The following CDH13 variants were observed in gnomAD, a reference collection of about 807,000 sequenced individuals.
CDH13 encodes cadherin 13.
CDH13 carries 24 observed loss-of-function variants against 63.8 expected under a neutral mutation model. That is an observed-to-expected ratio of 0.38 (90% CI 0.27 to 0.53). CDH13 has a LOEUF of 0.53. Among genes scored for constraint, CDH13 ranks in the 20% least tolerant of loss-of-function variants. The pLI is 0.85. For synonymous variants in CDH13, 503 were observed against 355.3 expected, an observed-to-expected ratio of 1.42 and a Z score of -4.67; for missense variants, 1,049 against 903.1, an observed-to-expected ratio of 1.16 and a Z score of -2.07.
At chr16:83,102,563 G>C (rs1052648196) in intron 3 of CDH13, among the ~76,000 whole-genome samples, 14 of 152,156 alleles carry the variant, frequency 9.2e-5, no homozygotes, top group African/African-American at 2.9e-4. Flanking sequence ...CTTCACTCCA[G>C]GTGCTAGGAG....
intron 1 of CDH13, among the ~76,000 whole-genome samples, chr16:82,846,785 A>C (rs1402321004): frequency 2.6e-5 from 4 of 152,226 alleles, no homozygotes; most frequent in African/African-American, 9.6e-5. Context: ...AGAAATGTTA[A>C]ATTTTCACTA....
chr16:83,064,144 G>C (rs537502943), intron 3 of CDH13, among the ~76,000 whole-genome samples: 68 of 152,160 alleles, frequency 4.5e-4, no homozygotes, highest in Non-Finnish European at 8.1e-4. Flanking sequence ...GCCGAGGTGG[G>C]CAGACCATGA....
chr16:82,858,310 A>G (rs2039785876), intron 1 of CDH13, 52 bp from the exon 2 acceptor site: 2 of 1,222,734 alleles, frequency 1.6e-6, no homozygotes, highest in Non-Finnish European at 2.4e-6. Flanking sequence ...GAAAGTTAGC[A>G]GGGCAAACAC....
intron 2 of CDH13, among the ~76,000 whole-genome samples, chr16:82,903,056 C>G (rs915664507): frequency 6.6e-6 from 1 of 152,184 alleles, no homozygotes; most frequent in African/African-American, 2.4e-5. Flanking sequence ...TACAACAACT[C>G]TATAAAGATG....
intron 5 of CDH13, among the ~76,000 whole-genome samples, chr16:83,289,182 A>G (rs571985955): frequency 2.0e-4 from 30 of 152,352 alleles, no homozygotes; most frequent in Admixed American, 9.1e-4. Context: ...CACTGTCTGC[A>G]TATGAATGTG....
chr16:83,232,356 C>A (rs2040023191), intron 5 of CDH13, among the ~76,000 whole-genome samples: 1 of 151,562 alleles, frequency 6.6e-6, no homozygotes, highest in Non-Finnish European at 1.5e-5. Flanking sequence ...GAAGCCCTGT[C>A]TCTACTAAAA....
intron 1 of CDH13, among the ~76,000 whole-genome samples, chr16:82,655,590 G>A (rs1597232636): frequency 1.3e-5 from 2 of 152,276 alleles, no homozygotes; most frequent in East Asian, 3.9e-4. Context: ...AACCACTGGT[G>A]GGGTTGGGGG....
At chr16:83,055,804 A>C (rs2030866986) in intron 3 of CDH13, among the ~76,000 whole-genome samples, 1 of 152,178 alleles carries the variant, frequency 6.6e-6, no homozygotes, top group Non-Finnish European at 1.5e-5. Context: ...AAGAAGGAAA[A>C]ATTATAAGCC....
At chr16:83,259,380 T>C (rs1051419488) in intron 5 of CDH13, among the ~76,000 whole-genome samples, 6 of 152,126 alleles carry the variant, frequency 3.9e-5, no homozygotes, top group Admixed American at 3.9e-4. Context: ...TGGTGCTGCT[T>C]GGAAAGTCTG....
chr16:82,936,161 C>T (rs1350675719), intron 2 of CDH13, among the ~76,000 whole-genome samples: 1 of 152,154 alleles, frequency 6.6e-6, no homozygotes, highest in Non-Finnish European at 1.5e-5. Context: ...ATGTCTAGTC[C>T]TTAGTTCCTG....
chr16:83,505,731 C>T (rs143880880), intron 7 of CDH13, among the ~76,000 whole-genome samples: 51 of 151,870 alleles, frequency 3.4e-4, no homozygotes, highest in Non-Finnish European at 4.9e-4. Context: ...TTAGTAGAGA[C>T]GGTGTTTCTC....
chr16:82,764,903 C>T (rs143654823), intron 1 of CDH13, among the ~76,000 whole-genome samples: 2 of 151,818 alleles, frequency 1.3e-5, no homozygotes, highest in East Asian at 3.9e-4. Flanking sequence ...AAACCTCTGC[C>T]TCCCAGGTTC....
chr16:83,312,065 T>G (rs1597722184), intron 5 of CDH13, among the ~76,000 whole-genome samples: 1 of 32,544 alleles, frequency 3.1e-5, no homozygotes, highest in African/African-American at 1.4e-4. Context: ...AAACTCCATC[T>G]CAAAAAAAAA....
chr16:83,148,791 T>C (rs2036857171), intron 4 of CDH13, among the ~76,000 whole-genome samples: 5 of 152,204 alleles, frequency 3.3e-5, no homozygotes, highest in Admixed American at 3.3e-4. Context: ...ACTCCTAATA[T>C]TTATCCTCAA....
At chr16:83,227,105 A>G (rs1189149007) in intron 5 of CDH13, among the ~76,000 whole-genome samples, 1 of 152,160 alleles carries the variant, frequency 6.6e-6, no homozygotes, top group Non-Finnish European at 1.5e-5. Flanking sequence ...ATGTTTTACG[A>G]AAGACTGCAA....
intron 7 of CDH13, among the ~76,000 whole-genome samples, chr16:83,502,193 T>C (rs532805337): frequency 2.0e-5 from 3 of 152,166 alleles, no homozygotes; most frequent in African/African-American, 7.2e-5. Context: ...GTAGAAGTGA[T>C]TAAGTCAAAT....
chr16:83,494,543 A>G (rs1004124507), intron 7 of CDH13, among the ~76,000 whole-genome samples: 1 of 152,212 alleles, frequency 6.6e-6, no homozygotes, highest in African/African-American at 2.4e-5. Flanking sequence ...ATGGAGAATG[A>G]CCATCATTTA....
At chr16:82,750,710 G>C (rs1416504702) in intron 1 of CDH13, among the ~76,000 whole-genome samples, 1 of 152,198 alleles carries the variant, frequency 6.6e-6, no homozygotes, top group African/African-American at 2.4e-5. Context: ...GGACAGAACA[G>C]TAAGGAGAAA....
chr16:83,198,928 C>A (rs989016764), intron 4 of CDH13, among the ~76,000 whole-genome samples: 1 of 152,028 alleles, frequency 6.6e-6, no homozygotes, highest in African/African-American at 2.4e-5. Context: ...AAAAAATATT[C>A]CTCTCTTGGG....
Sources: allele counts gnomAD v4.1 joint callset (sites outside exome capture counted in the v4.1 genomes callset), GRCh38; gene constraint gnomAD v4.1.1; transcripts MANE v1.5; gene names NCBI Gene and HGNC (gene_info 2026-07-23, HGNC 2026-07-21).